PIEZO2: variants seen among roughly 807,000 people sequenced by gnomAD.
The protein encoded by PIEZO2 is piezo-type mechanosensitive ion channel component 2.
Under a neutral mutation model 337.3 loss-of-function variants are expected in PIEZO2, and 172 were observed. The observed-to-expected ratio is 0.51, with a 90% confidence interval of 0.45 to 0.58. PIEZO2 has a LOEUF of 0.58. Ranked by LOEUF, PIEZO2 falls within the 20% of genes least tolerant of loss-of-function variation. The pLI is 0.00. For synonymous variants in PIEZO2, 1,251 were observed against 1,228.5 expected, an observed-to-expected ratio of 1.02 and a Z score of -0.38; for missense variants, 3,028 against 3,391.3, an observed-to-expected ratio of 0.89 and a Z score of 2.66.
chr18:10,870,542 A>G lies in PIEZO2; in HGVS notation c.492+711T>C, dbSNP rs2042114250. Among the ~76,000 whole-genome samples, 1 of 152,230 alleles carries G rather than the reference A, an allele frequency of 6.6e-6. No homozygotes were observed. The highest frequency in any genetic ancestry group is 1.5e-5 in the Non-Finnish European group (1 of 68,046). Reference sequence around the variant, plus strand: ...GTCTCCTAACCTCACCTAACAAAGTACAGTTATTAGAACATAACAGTGTCC... The same window carrying G: ...GTCTCCTAACCTCACCTAACAAAGTGCAGTTATTAGAACATAACAGTGTCC... On this transcript the variant is annotated intron_variant, in intron 5 of 55. Transcript: ENST00000674853. This position sits in a 1 kb window ranked among gnomAD's most constrained non-coding sequence, Gnocchi z 5.3.
chr18:11,071,433 G>A (rs116028038), intron 1 of PIEZO2, among the ~76,000 whole-genome samples: 199 of 152,356 alleles, frequency 1.3e-3, no homozygotes, highest in African/African-American at 4.7e-3. Flanking sequence ...GTTGTCCCAG[G>A]TGTTTGGGCT....
intron 9 of PIEZO2, among the ~76,000 whole-genome samples, chr18:10,803,379 T>C (rs2039891783): frequency 6.6e-6 from 1 of 152,242 alleles, no homozygotes; most frequent in African/African-American, 2.4e-5. Context: ...AATTCTAATT[T>C]TTACTCAAAT....
In PIEZO2 at chr18:10,926,963, A is replaced by G. The variant is rs78496141; in HGVS notation, c.287-15735T>C. ...GTGAAACAGACACTTCCTGCCGCAC[A>G]AGCTCTTCCTATCTCCTTTTGTGAA... On this transcript the variant is annotated intron_variant, in intron 3 of 55. Transcript: ENST00000674853. 7.7e-3 allele frequency among the ~76,000 whole-genome samples: 1,177 copies of G among 152,320 alleles called. 15 individuals carry two copies. The highest frequency in any genetic ancestry group is 0.027 in the African/African-American group (1,105 of 41,576).
intron 37 of PIEZO2, 121 bp from the exon 38 acceptor site, chr18:10,715,937 G>A: frequency 2.6e-6 from 2 of 768,708 alleles, no homozygotes; most frequent in East Asian, 2.7e-5. Flanking sequence ...ATCTAATAAG[G>A]CATGTGACTC....
At chr18:10,827,960 T>TA (rs1169464876) in intron 7 of PIEZO2, among the ~76,000 whole-genome samples, 2 of 152,092 alleles carry the variant, frequency 1.3e-5, no homozygotes, top group Admixed American at 6.6e-5. Flanking sequence ...GTGCAAAACA[T>TA]AAAAAAACTA....
chr18:10,728,813 G>A, intron 36 of PIEZO2, among the ~76,000 whole-genome samples: 1 of 151,930 alleles, frequency 6.6e-6, no homozygotes, highest in Non-Finnish European at 1.5e-5. Flanking sequence ...AAATTAGCTG[G>A]GCATGGTGGC....
chr18:10,947,597 A>T (rs2033091645), intron 3 of PIEZO2, among the ~76,000 whole-genome samples: 1 of 152,198 alleles, frequency 6.6e-6, no homozygotes, highest in Non-Finnish European at 1.5e-5. Context: ...GTTCTCTCTC[A>T]AAAAAGAAAG....
At position 11,031,978 on chromosome 18, in the gene PIEZO2, C is replaced by G. The variant is rs1404128330; in HGVS notation, c.160+34149G>C. ...TGTCTTTCTCTGTTTCTCTCTGTCT[C>G]TCTCTCACACACATACGCATACACA... On this transcript the variant is annotated intron_variant, in intron 2 of 55. Coordinates refer to ENST00000674853, the MANE Select transcript of PIEZO2 (RefSeq NM_001378183.1). This position sits in a 1 kb window ranked among gnomAD's most constrained non-coding sequence, Gnocchi z 4.7. Among the ~76,000 whole-genome samples, 1 of 152,144 alleles carries G rather than the reference C, an allele frequency of 6.6e-6. No homozygotes were observed. The highest frequency in any genetic ancestry group is 1.5e-5 in the Non-Finnish European group (1 of 68,038).
chr18:11,029,592 A>C (rs2036656700), intron 2 of PIEZO2, among the ~76,000 whole-genome samples: 1 of 152,176 alleles, frequency 6.6e-6, no homozygotes, highest in Non-Finnish European at 1.5e-5. Context: ...CTTAGAGTAA[A>C]GGCTAAACCC....
intron 4 of PIEZO2, among the ~76,000 whole-genome samples, chr18:10,904,064 A>C (rs943398996): frequency 1.3e-5 from 2 of 152,248 alleles, no homozygotes; most frequent in Admixed American, 1.3e-4. Flanking sequence ...TACAAAATAT[A>C]GGAGTTATGT....
intron 3 of PIEZO2, among the ~76,000 whole-genome samples, chr18:10,975,569 AG>A (rs1165271557): frequency 1.3e-5 from 2 of 152,164 alleles, no homozygotes; most frequent in African/African-American, 4.8e-5. Context: ...AAATCTAAAT[AG>A]GGTGGTTTGA....
At position 10,880,862 on chromosome 18, in the gene PIEZO2, T is replaced by C. The variant is rs2042395006; in HGVS notation, c.330-9447A>G. 7.6e-5 allele frequency among the ~76,000 whole-genome samples: 3 copies of C among 39,262 alleles called. No individual in the cohort carries two copies. In the South Asian group the frequency reaches 2.7e-3, roughly 36 times the overall value. The allele number at this position is 39,262 out of a possible 152,430, so 25.8% of individuals were successfully genotyped here. A position where few individuals can be genotyped will look rare whatever the true frequency, so the allele number is the denominator to read the frequency against. On this transcript the variant is annotated intron_variant, in intron 4 of 55. Coordinates refer to ENST00000674853, the MANE Select transcript of PIEZO2 (RefSeq NM_001378183.1). ...CCCACATATCATATATATATATATA[T>C]ATATATATATATATATATATATATA...
intron 13 of PIEZO2, among the ~76,000 whole-genome samples, chr18:10,792,519 A>T (rs1215176219): frequency 6.6e-6 from 1 of 152,226 alleles, no homozygotes; most frequent in East Asian, 1.9e-4. Context: ...ATATGAATGA[A>T]ATTATATAAT....
At position 10,872,956 on chromosome 18, in the gene PIEZO2, AG is replaced by A. The variant is rs2042174498; in HGVS notation, c.330-1542del. Among the ~76,000 whole-genome samples the A allele has an allele frequency of 6.6e-6, 1 of 152,144 alleles. No individual in the cohort carries two copies. Among genetic ancestry groups the A allele is most frequent in the Non-Finnish European group, 1.5e-5 (1 of 68,016 alleles). On this transcript the variant is annotated intron_variant, in intron 4 of 55. Coordinates refer to ENST00000674853, the MANE Select transcript of PIEZO2 (RefSeq NM_001378183.1). The surrounding 1 kb of genome is among the most constrained non-coding windows in gnomAD (Gnocchi z 4.3). Reference sequence around the variant, plus strand: ...AAAATCAAGCATAGAACTTCAAAGGAGGGTTAAGTCTTTGAAAAAATGTTTA... The same window carrying A: ...AAAATCAAGCATAGAACTTCAAAGGAGGTTAAGTCTTTGAAAAAATGTTTA...
At position 10,827,542 on chromosome 18, in the gene PIEZO2, T is replaced by A. The variant is rs138490403; in HGVS notation, c.918-20268A>T. On this transcript the variant is annotated intron_variant, in intron 7 of 55. Transcript: ENST00000674853. The stretch of plus-strand genomic sequence containing the variant: ...GCTCCCCCTGCCTTTATGTCTTTTG[T>A]ATCATCTCCCCTCCTGAAGCTTAGG... 8.9e-3 allele frequency among the ~76,000 whole-genome samples: 1,355 copies of A among 152,306 alleles called. 25 individuals are homozygous for A. Among genetic ancestry groups the A allele is most frequent in the African/African-American group, 0.031 (1,290 of 41,552 alleles).
intron 20 of PIEZO2, among the ~76,000 whole-genome samples, chr18:10,772,681 C>T (rs758548913): frequency 2.0e-5 from 3 of 152,200 alleles, no homozygotes; most frequent in Non-Finnish European, 4.4e-5. Flanking sequence ...AACCTCACCC[C>T]AGAGATGATG....
intron 1 of PIEZO2, among the ~76,000 whole-genome samples, chr18:11,071,836 C>T (rs565542240): frequency 1.8e-4 from 27 of 152,248 alleles, no homozygotes; most frequent in East Asian, 1.2e-3. Context: ...GCAAGGGCTC[C>T]GGGGACTTTG....
At chr18:10,806,078 A>T (rs1364209070) in intron 8 of PIEZO2, among the ~76,000 whole-genome samples, 1 of 152,144 alleles carries the variant, frequency 6.6e-6, no homozygotes, top group African/African-American at 2.4e-5. Flanking sequence ...TTCCATAAAT[A>T]CTCATTGACT....
chr18:10,807,021 G>A (rs1403632790), intron 8 of PIEZO2, 91 bp downstream of exon 8: 6 of 1,270,432 alleles, frequency 4.7e-6, no homozygotes, highest in Middle Eastern at 1.9e-4. Context: ...ATAGAGTATC[G>A]ATTAGTCAGT....
Sources: gnomAD v4.1 joint callset for allele counts (sites outside exome capture counted in the v4.1 genomes callset) on GRCh38, gnomAD v4.1.1 for gene constraint, Gnocchi (gnomAD v3.1) non-coding constraint, MANE v1.5 for transcripts, NCBI Gene and HGNC (gene_info 2026-07-23, HGNC 2026-07-21) for gene names.